Variants in SLC5A5 observed in about 807,000 individuals in gnomAD.
The protein encoded by SLC5A5 is sodium/iodide cotransporter.
SLC5A5 carries 56 observed loss-of-function variants against 68.6 expected under a neutral mutation model. The observed-to-expected ratio is 0.82, with a 90% CI of 0.66 to 1.02. The LOEUF (loss-of-function observed/expected upper bound fraction) is 1.02, where lower values mean the gene tolerates loss of function less well. SLC5A5 is among the 50% of genes least tolerant of loss of function. SLC5A5 has a pLI of 0.00. For synonymous variants in SLC5A5, 398 were observed against 373.0 expected, an observed-to-expected ratio of 1.07 and a Z score of -0.77; for missense variants, 807 against 859.8, an observed-to-expected ratio of 0.94 and a Z score of 0.77.
At position 17,895,041 on chromosome 19, in the gene SLC5A5, C is replaced by A. The variant is rs996805579; in HGVS notation, c.*1164C>A. 1 of 151,876 alleles carries A rather than the reference C, an allele frequency of 6.6e-6. No homozygotes were observed. The highest frequency in any genetic ancestry group is 1.5e-5 in the Non-Finnish European group (1 of 68,006). 9.4% of individuals were successfully genotyped at this position (151,876 alleles called of 1,614,324 possible). A position where few individuals can be genotyped will look rare whatever the true frequency, so the allele number is the denominator to read the frequency against. ...GAACCCAAGGATTGCCAGCAACAAC[C>A]AGAAATCAGGAGGGGGGCATGAGAT... On this transcript the variant is annotated 3_prime_UTR_variant, in exon 15 of 15. Transcript: ENST00000222248.
Position 17,874,152 on chromosome 19 carries a change from C to G in SLC5A5, c.372C>G (p.Arg124=). 1 of 1,612,482 alleles carries G rather than the reference C, an allele frequency of 6.2e-7. No homozygotes were observed. Among genetic ancestry groups the G allele is most frequent in the Non-Finnish European group, 8.5e-7 (1 of 1,178,932 alleles). Residue 124 remains arginine, a synonymous_variant, in exon 2 of 15, where the codon CGC becomes CGG. Transcript: ENST00000222248. ...LTSTYEYLEM[R]FSRAVRLCGT... ...CCTCCTTGCAGTACCTGGAGATGCG[C>G]TTCAGCCGCGCAGTGCGGCTCTGCG... is the stretch of plus-strand genomic sequence containing the variant.
In SLC5A5 at chr19:17,878,557, TG is replaced by T. The variant is rs749864955; in HGVS notation, c.969+467del. 1.6e-3 allele frequency among the ~76,000 whole-genome samples: 241 copies of T among 151,748 alleles called. 2 individuals are homozygous for T. Among genetic ancestry groups the T allele is most frequent in the Admixed American group, 2.6e-3 (39 of 15,214 alleles). On this transcript the variant is annotated intron_variant, in intron 7 of 14. Transcript: ENST00000222248. ...AGTTCAGAGGAGGATCTGCAAGGAA[TG>T]GGAAAGGTGAGTCTGGGAGGCAATG... is the stretch of plus-strand genomic sequence containing the variant.
rs886054291 is a variant in SLC5A5 at position 17,894,216 on chromosome 19, C to T, written c.*339C>T. ...AGGCTGGAGTGCAGTGGTGTGATCT[C>T]GGCTCACTGCAACCTCTGCCTCCCA... On this transcript the variant is annotated 3_prime_UTR_variant, in exon 15 of 15. Coordinates refer to ENST00000222248, the MANE Select transcript of SLC5A5 (RefSeq NM_000453.3). 4 of 254,302 alleles carry T rather than the reference C, an allele frequency of 1.6e-5. No homozygotes were observed. The East Asian group carries it at 3.2e-4, about 20-fold the overall frequency. 15.8% of individuals were successfully genotyped at this position (254,302 alleles called of 1,614,324 possible).
At chr19:17,893,678 C>A in intron 14 of SLC5A5, 35 bp from the exon 15 acceptor site, 3 of 1,608,720 alleles carry the variant, frequency 1.9e-6, no homozygotes, top group African/African-American at 1.3e-5. Context: ...GGGACAGGGT[C>A]TCTGATGGGG....
chr19:17,883,733 T>C lies in SLC5A5; in HGVS notation c.1295T>C (p.Ile432Thr). The C allele has an allele frequency of 6.2e-7, 1 of 1,611,922 alleles. No individual in the cohort carries two copies. The highest frequency in any genetic ancestry group is 1.1e-5 in the South Asian group (1 of 91,028). ...VISGPLLGAFILGMFLPACNT... is the reference protein window; with the variant it reads ...VISGPLLGAFTLGMFLPACNT... ...AGCGGCCCCCTGCTGGGAGCCTTCATCTTGGGAATGTTCCTGCCGGCCTGC... is the reference window on the plus strand; with the variant it reads ...AGCGGCCCCCTGCTGGGAGCCTTCACCTTGGGAATGTTCCTGCCGGCCTGC... Residue 432 changes from isoleucine to threonine, a missense_variant, in exon 11 of 15, where the codon ATC becomes ACC. Ile to Thr is a moderately conservative substitution (Grantham distance 89, BLOSUM62 -1). Coordinates refer to ENST00000222248, the MANE Select transcript of SLC5A5 (RefSeq NM_000453.3).
At chr19:17,882,744 C>G (rs1042080216) in intron 10 of SLC5A5, among the ~76,000 whole-genome samples, 78 of 151,972 alleles carry the variant, frequency 5.1e-4, no homozygotes, top group African/African-American at 1.9e-3. Flanking sequence ...AGTGCAGTGG[C>G]ACCATCTTGG....
At chr19:17,875,821 GA>G (rs2147731600) in intron 4 of SLC5A5, 130 bp from the exon 5 acceptor site, 1 of 788,966 alleles carries the variant, frequency 1.3e-6, no homozygotes, top group African/African-American at 1.7e-5. Flanking sequence ...AACACAGTAA[GA>G]AGGTATTATT....
intron 13 of SLC5A5, among the ~76,000 whole-genome samples, chr19:17,890,137 G>A (rs1453785134): frequency 6.6e-6 from 1 of 152,108 alleles, no homozygotes; most frequent in Non-Finnish European, 1.5e-5. Context: ...ATGGTGCGAT[G>A]TTGGCTCACT....
At chr19:17,876,230 G>C in intron 5 of SLC5A5, 124 bp downstream of exon 5, 1 of 958,984 alleles carries the variant, frequency 1.0e-6, no homozygotes, top group Non-Finnish European at 1.6e-6. Context: ...AGGAGTTCAA[G>C]ACCAGCCTGG....
Position 17,882,350 on chromosome 19 carries a change from T to C in SLC5A5, c.1242+131T>C, listed in dbSNP as rs973785124. The C allele has an allele frequency of 6.5e-6, 5 of 770,012 alleles. No individual in the cohort carries two copies. The African/African-American group carries it at 8.7e-5, about 13-fold the overall frequency. 47.7% of individuals were successfully genotyped at this position (770,012 alleles called of 1,614,324 possible). A position where few individuals can be genotyped will look rare whatever the true frequency, so the allele number is the denominator to read the frequency against. ...AACTCACTTCTATGTTTTTTTTTTTTTTGAGATGGGGTCTCACTGTGTTGT... is the reference window on the plus strand; with the variant it reads ...AACTCACTTCTATGTTTTTTTTTTTCTTGAGATGGGGTCTCACTGTGTTGT... On this transcript the variant is annotated intron_variant, in intron 10 of 14. Coordinates refer to ENST00000222248, the MANE Select transcript of SLC5A5 (RefSeq NM_000453.3).
intron 13 of SLC5A5, among the ~76,000 whole-genome samples, chr19:17,890,081 T>G (rs902201075): frequency 9.2e-5 from 14 of 152,038 alleles, no homozygotes; most frequent in Non-Finnish European, 1.9e-4. Flanking sequence ...TTTTGTTTTG[T>G]TTTTTTGAGA....
intron 14 of SLC5A5, among the ~76,000 whole-genome samples, chr19:17,891,845 C>A (rs1030627658): frequency 1.3e-5 from 2 of 152,192 alleles, no homozygotes; most frequent in African/African-American, 4.8e-5. Flanking sequence ...CTGTTCCATT[C>A]TCTCATTTAT....
chr19:17,894,124 G>C lies in SLC5A5; in HGVS notation c.*247G>C. The C allele has an allele frequency of 4.0e-6, 2 of 497,206 alleles. No individual in the cohort carries two copies. The highest frequency in any genetic ancestry group is 2.6e-5 in the South Asian group (1 of 38,838). The allele number at this position is 497,206 out of a possible 1,614,324, so 30.8% of individuals were successfully genotyped here. ...GCCCTGACGGCTCCCCCCAAATAAG[G>C]CTGGGTTTTTCTCTCTCTCTTTTTT... On this transcript the variant is annotated 3_prime_UTR_variant, in exon 15 of 15. Transcript: ENST00000222248.
intron 12 of SLC5A5, 76 bp downstream of exon 12, chr19:17,884,122 A>T (rs1470575387): frequency 3.9e-6 from 5 of 1,281,980 alleles, no homozygotes; most frequent in Non-Finnish European, 5.5e-6. Context: ...CTTGCCCTGC[A>T]CTCTGTGTAA....
chr19:17,891,056 T>C (rs1046153687), intron 14 of SLC5A5, 55 bp downstream of exon 14: 2 of 1,079,258 alleles, frequency 1.9e-6, no homozygotes, highest in Non-Finnish European at 2.9e-6. Context: ...CTTTAGGACG[T>C]GACCACAGCT....
intron 5 of SLC5A5, among the ~76,000 whole-genome samples, chr19:17,877,261 A>G (rs1407070764): frequency 6.6e-6 from 1 of 152,086 alleles, no homozygotes; most frequent in Non-Finnish European, 1.5e-5. Context: ...GCAAATGCCT[A>G]TGCATATGTC....
chr19:17,888,261 G>A (rs1349763831), intron 12 of SLC5A5, 70 bp from the exon 13 acceptor site: 12 of 1,595,876 alleles, frequency 7.5e-6, no homozygotes, highest in African/African-American at 2.7e-5. Context: ...AGGGGGTGAG[G>A]TTGGAACAGC....
chr19:17,874,863 T>C (rs1038902489), intron 4 of SLC5A5, 132 bp downstream of exon 4: 4 of 824,200 alleles, frequency 4.9e-6, no homozygotes, highest in Admixed American at 2.1e-5. Flanking sequence ...CTCATCTTTA[T>C]AGTGAAAAAT....
intron 2 of SLC5A5, 55 bp from the exon 3 acceptor site, chr19:17,874,439 T>A: frequency 6.4e-7 from 1 of 1,552,504 alleles, no homozygotes; most frequent in South Asian, 1.1e-5. Context: ...CCTCTCCCCA[T>A]CCCCAACTCG....
Sources: gnomAD v4.1 joint callset for allele counts (sites outside exome capture counted in the v4.1 genomes callset) on GRCh38, gnomAD v4.1.1 for gene constraint, MANE v1.5 for transcripts, NCBI Gene and HGNC (gene_info 2026-07-23, HGNC 2026-07-21) for gene names.